The following LCMT1 variants were observed in gnomAD, a reference collection of about 807,000 sequenced individuals.
LCMT1 encodes the protein [Phosphatase 2A protein]-leucine-carboxy methyltransferase 1.
A neutral mutation model predicts 47.7 loss-of-function variants in LCMT1; 32 were observed. That is an observed-to-expected ratio of 0.67 (90% CI 0.51 to 0.90). LCMT1 has a LOEUF of 0.90. LCMT1 is among the 40% of genes least tolerant of loss of function. The pLI, the probability that LCMT1 is intolerant of heterozygous loss-of-function variation, is 0.00. For missense variants in LCMT1, 375 were observed against 415.2 expected (o/e 0.90, Z 0.84); for synonymous variants, 152 against 149.7 (o/e 1.02, Z -0.11).
intron 3 of LCMT1, among the ~76,000 whole-genome samples, chr16:25,138,534 G>C (rs1325755065): frequency 1.3e-5 from 2 of 151,896 alleles, no homozygotes; most frequent in East Asian, 3.9e-4. Context: ...TGTGTGTGTG[G>C]TTGTGTGTGT....
chr16:25,113,051 G>A (rs1959673772), intron 1 of LCMT1, among the ~76,000 whole-genome samples: 1 of 141,458 alleles, frequency 7.1e-6, no homozygotes, highest in Non-Finnish European at 1.5e-5. Context: ...TGAGGCCGGA[G>A]AATCATTTGA....
intron 5 of LCMT1, among the ~76,000 whole-genome samples, chr16:25,159,701 G>A (rs1371316324): frequency 6.6e-6 from 1 of 152,082 alleles, no homozygotes; most frequent in African/African-American, 2.4e-5. Flanking sequence ...ATGGTGTGTA[G>A]CCATATGTAT....
intron 9 of LCMT1, among the ~76,000 whole-genome samples, chr16:25,173,356 A>G (rs1229700242): frequency 6.6e-6 from 1 of 152,218 alleles, no homozygotes; most frequent in Non-Finnish European, 1.5e-5. Flanking sequence ...TTTTTCTAGA[A>G]CTTGGTATCA....
In LCMT1 at chr16:25,113,034, G is replaced by T. The variant is rs558895482; in HGVS notation, c.113+1038G>T. Among the ~76,000 whole-genome samples the T allele has an allele frequency of 7.9e-5, 12 of 151,902 alleles. No individual in the cohort carries two copies. In the East Asian group the frequency reaches 2.3e-3, roughly 29 times the overall value. On this transcript the variant is annotated intron_variant, in intron 1 of 10. Coordinates refer to ENST00000399069, the MANE Select transcript of LCMT1 (RefSeq NM_016309.3). ...CGGGCGCCTGTAATCCCAGCTACTC[G>T]GGAGGCTGAGGCCGGAGAATCATTT... is the stretch of plus-strand genomic sequence containing the variant.
chr16:25,174,822 C>T (rs921326839), intron 9 of LCMT1, 115 bp from the exon 10 acceptor site: 2 of 455,106 alleles, frequency 4.4e-6, no homozygotes, highest in Admixed American at 4.3e-5. Context: ...TATTTTATAG[C>T]CGCCTTCTTT....
chr16:25,177,915 C>T (rs1961998244), intron 10 of LCMT1, 86 bp from the exon 11 acceptor site: 1 of 1,190,012 alleles, frequency 8.4e-7, no homozygotes, highest in South Asian at 1.2e-5. Flanking sequence ...GCTGGTGCCC[C>T]TGAGCCGGTC....
At chr16:25,120,459 C>T (rs190422243) in intron 1 of LCMT1, among the ~76,000 whole-genome samples, 1 of 147,554 alleles carries the variant, frequency 6.8e-6, no homozygotes, top group East Asian at 2.0e-4. Context: ...GAGTCTCGCT[C>T]TGTCACCCAG....
rs572891915 is a variant in LCMT1 at position 25,151,349 on chromosome 16, G to A, written c.405-205G>A. Among the ~76,000 whole-genome samples, 7 of 152,298 alleles carry A rather than the reference G, an allele frequency of 4.6e-5. No individual in the cohort carries two copies. In the East Asian group the frequency reaches 1.3e-3, roughly 29 times the overall value. On this transcript the variant is annotated intron_variant, in intron 4 of 10. Coordinates refer to ENST00000399069, the MANE Select transcript of LCMT1 (RefSeq NM_016309.3). ...GCTTAGCCAATGTCACCTGAGACCT[G>A]TGTCCACTGAAGTTTTACCGTATGT...
intron 9 of LCMT1, chr16:25,174,617 T>G (rs1961872487): frequency 5.8e-6 from 1 of 173,810 alleles, no homozygotes; most frequent in Admixed American, 6.4e-5. Context: ...CAATTTACTC[T>G]GCCTGTCTCC....
rs2141682190 is a variant in LCMT1 at position 25,151,552 on chromosome 16, A to G, written c.405-2A>G. 6.2e-7 allele frequency: 1 copy of G among 1,612,072 alleles called. No homozygotes were observed. The highest frequency in any genetic ancestry group is 1.7e-5 in the Admixed American group (1 of 59,962). On this transcript the variant is annotated splice_acceptor_variant, in intron 4 of 10. Transcript: ENST00000399069. LOFTEE classifies it high-confidence loss of function. Reference sequence around the variant, plus strand: ...TTTCTCCTCTTTCCCATCTTCCCATAGATGCAAGCCTCCCCTATCCAGCCC... The same window carrying G: ...TTTCTCCTCTTTCCCATCTTCCCATGGATGCAAGCCTCCCCTATCCAGCCC...
At position 25,161,187 on chromosome 16, in the gene LCMT1, A is replaced by G; in HGVS notation, c.552A>G (p.Lys184=). The change falls in exon 6 of 11, where the codon AAA becomes AAG. Residue 184 remains lysine, a synonymous_variant. Transcript: ENST00000399069. ...CTGAACTGGAAGAGAAGCTAAAGAA[A>G]TGTAACATGAATACACAGTGAGATT... ...DLSELEEKLK[K]CNMNTQLPTL... 1.2e-6 allele frequency: 2 copies of G among 1,602,402 alleles called. No individual in the cohort carries two copies. Among genetic ancestry groups the G allele is most frequent in the Non-Finnish European group, 1.7e-6 (2 of 1,173,726 alleles).
At chr16:25,139,631 A>G (rs959792364) in intron 3 of LCMT1, among the ~76,000 whole-genome samples, 5 of 152,202 alleles carry the variant, frequency 3.3e-5, no homozygotes, top group African/African-American at 1.2e-4. Flanking sequence ...AAAACCTACT[A>G]CATTGATTTC....
chr16:25,175,398 C>T (rs1961899477), intron 10 of LCMT1, among the ~76,000 whole-genome samples: 1 of 150,792 alleles, frequency 6.6e-6, no homozygotes. Flanking sequence ...CTGAGGTGGG[C>T]AGATCACTTG....
At chr16:25,127,739 GGTA>G (rs1169880272) in intron 1 of LCMT1, among the ~76,000 whole-genome samples, 3 of 152,212 alleles carry the variant, frequency 2.0e-5, no homozygotes, top group Non-Finnish European at 2.9e-5. Context: ...GATGTTCAGA[GGTA>G]GAGCAGTCTG....
chr16:25,125,905 C>T (rs1160692280), intron 1 of LCMT1: 19 of 786,418 alleles, frequency 2.4e-5, no homozygotes, highest in Non-Finnish European at 2.8e-5. Context: ...GCAGTTGGTT[C>T]ACTTACTTTC....
At chr16:25,168,218 T>C (rs1961646395) in intron 7 of LCMT1, among the ~76,000 whole-genome samples, 1 of 151,596 alleles carries the variant, frequency 6.6e-6, no homozygotes. Flanking sequence ...CTGGCTGATT[T>C]TTGTATTTTT....
intron 7 of LCMT1, among the ~76,000 whole-genome samples, chr16:25,165,695 T>A (rs756340144): frequency 3.3e-5 from 5 of 151,784 alleles, no homozygotes; most frequent in African/African-American, 4.8e-5. Context: ...TTTTGTATTT[T>A]TAGTAGAGAT....
intron 6 of LCMT1, among the ~76,000 whole-genome samples, chr16:25,163,801 G>A (rs277903): frequency 0.67 from 102,136 of 152,012 alleles, 34,766 homozygotes; most frequent in Non-Finnish European, 0.74. Context: ...CAGTTCATTG[G>A]GTAGGGCATA....
chr16:25,127,807 C>T (rs1321964042), intron 1 of LCMT1, among the ~76,000 whole-genome samples: 1 of 152,184 alleles, frequency 6.6e-6, no homozygotes, highest in Non-Finnish European at 1.5e-5. Flanking sequence ...TTCATGAGTC[C>T]TCAGTCATCC....
Sources: gnomAD v4.1 joint callset for allele counts (sites outside exome capture counted in the v4.1 genomes callset) on GRCh38, gnomAD v4.1.1 for gene constraint, MANE v1.5 for transcripts, NCBI Gene and HGNC (gene_info 2026-07-23, HGNC 2026-07-21) for gene names.